EEF1AKMT1: variants seen among roughly 807,000 people sequenced by gnomAD.
EEF1AKMT1 encodes N-6 adenine-specific DNA methyltransferase 2 (putative).
A neutral mutation model predicts 21.0 loss-of-function variants in EEF1AKMT1; 18 were observed. That is an observed-to-expected ratio of 0.86 (90% confidence interval 0.59 to 1.27). EEF1AKMT1 has a LOEUF of 1.27. EEF1AKMT1 is among the 50% of genes most tolerant of loss of function. The probability of loss-of-function intolerance (pLI) is 0.00; values close to 1 mark genes in which losing one functional copy is unlikely to be tolerated. For synonymous variants in EEF1AKMT1, 109 were observed against 94.8 expected, an observed-to-expected ratio of 1.15 and a Z score of -0.87; for missense variants, 246 against 258.6, an observed-to-expected ratio of 0.95 and a Z score of 0.33.
chr13:20,728,988 AGGG>A lies in EEF1AKMT1; in HGVS notation c.*89_*91del. ...CCAGGGACAGCTCCAGTTTGGGGGG[AGGG>A]GAAGAGATTATAACTTTTAAATCTA... On this transcript the variant is annotated 3_prime_UTR_variant, in exon 5 of 5. Transcript: ENST00000382758. 6.7e-7 allele frequency: 1 copy of A among 1,488,356 alleles called. No homozygotes were observed. Among genetic ancestry groups the A allele is most frequent in the South Asian group, 1.2e-5 (1 of 83,482 alleles). 92.2% of individuals were successfully genotyped at this position (1,488,356 alleles called of 1,614,324 possible).
intron 2 of EEF1AKMT1, among the ~76,000 whole-genome samples, chr13:20,740,524 G>T (rs1302509004): frequency 6.6e-6 from 1 of 152,244 alleles, no homozygotes; most frequent in Admixed American, 6.5e-5. Context: ...CCACTGACTT[G>T]CCGGGTGTGG....
intron 2 of EEF1AKMT1, among the ~76,000 whole-genome samples, chr13:20,755,453 T>C (rs945559655): frequency 5.3e-4 from 80 of 152,198 alleles, no homozygotes; most frequent in Admixed American, 5.2e-3. Context: ...GGCTCTTCTG[T>C]GGCTAGAACT....
At chr13:20,756,637 G>A (rs4770070) in intron 2 of EEF1AKMT1, among the ~76,000 whole-genome samples, 35,882 of 152,054 alleles carry the variant, frequency 0.24, 5,772 homozygotes, top group East Asian at 0.75. Flanking sequence ...GTAAAACCCC[G>A]CCTCCAAGAT....
intron 1 of EEF1AKMT1, among the ~76,000 whole-genome samples, chr13:20,759,581 A>T (rs2058988960): frequency 6.6e-6 from 1 of 150,956 alleles, no homozygotes; most frequent in Non-Finnish European, 1.5e-5. Context: ...CTCCGTCTCA[A>T]AAACAAAAAA....
intron 1 of EEF1AKMT1, 145 bp from the exon 2 acceptor site, chr13:20,757,762 C>A (rs2058979179): frequency 3.0e-6 from 2 of 673,876 alleles, no homozygotes; most frequent in African/African-American, 3.6e-5. Context: ...TTCTAAGCCC[C>A]CCAGCCAACT....
chr13:20,769,903 T>C (rs1285547614), intron 1 of EEF1AKMT1, among the ~76,000 whole-genome samples: 1 of 151,488 alleles, frequency 6.6e-6, no homozygotes, highest in African/African-American at 2.4e-5. Flanking sequence ...TAAAGAAAGG[T>C]GTAGAGAAAG....
chr13:20,761,641 CATG>C (rs2141435021), intron 1 of EEF1AKMT1, among the ~76,000 whole-genome samples: 1 of 151,414 alleles, frequency 6.6e-6, no homozygotes, highest in South Asian at 2.1e-4. Context: ...AAATTTATTT[CATG>C]ATGATACATT....
intron 2 of EEF1AKMT1, among the ~76,000 whole-genome samples, chr13:20,738,697 A>C (rs1008638236): frequency 4.6e-5 from 7 of 152,236 alleles, no homozygotes; most frequent in African/African-American, 1.4e-4. Flanking sequence ...TGAGTCTTGG[A>C]AACATTACAC....
chr13:20,768,345 C>A (rs555172390), intron 1 of EEF1AKMT1, among the ~76,000 whole-genome samples: 22 of 152,282 alleles, frequency 1.4e-4, no homozygotes, highest in Non-Finnish European at 3.1e-4. Flanking sequence ...ACTGATTACA[C>A]CCCACTACGG....
At chr13:20,744,832 T>C (rs574138272) in intron 2 of EEF1AKMT1, among the ~76,000 whole-genome samples, 1 of 152,220 alleles carries the variant, frequency 6.6e-6, no homozygotes, top group East Asian at 1.9e-4. Context: ...TACATTTAAG[T>C]CTTTAATTCA....
intron 2 of EEF1AKMT1, among the ~76,000 whole-genome samples, chr13:20,752,792 G>C (rs139843225): frequency 3.3e-5 from 5 of 151,894 alleles, no homozygotes; most frequent in African/African-American, 1.2e-4. Context: ...CAGTTGTAAT[G>C]TCCCCTTTAT....
At chr13:20,765,383 T>G (rs191262970) in intron 1 of EEF1AKMT1, among the ~76,000 whole-genome samples, 150 of 151,708 alleles carry the variant, frequency 9.9e-4, no homozygotes, top group African/African-American at 3.4e-3. Context: ...TTTCATTATT[T>G]GCTTTCTGTT....
intron 2 of EEF1AKMT1, among the ~76,000 whole-genome samples, chr13:20,752,601 A>AT (rs1243341054): frequency 3.3e-5 from 5 of 151,822 alleles, no homozygotes; most frequent in Non-Finnish European, 5.9e-5. Flanking sequence ...CTGGCCTGTA[A>AT]TTTTCTTTAT....
intron 2 of EEF1AKMT1, among the ~76,000 whole-genome samples, chr13:20,752,312 G>T (rs2058946007): frequency 6.6e-6 from 1 of 152,070 alleles, no homozygotes. Flanking sequence ...TTATGATGAG[G>T]TATGTTCCTT....
intron 3 of EEF1AKMT1, among the ~76,000 whole-genome samples, chr13:20,732,748 C>T (rs754778992): frequency 6.6e-6 from 1 of 152,142 alleles, no homozygotes; most frequent in African/African-American, 2.4e-5. Context: ...CTAAATTTAC[C>T]TATTATTTTC....
In EEF1AKMT1 at chr13:20,731,871, G is replaced by A. The variant is rs2058798335; in HGVS notation, c.478C>T (p.Leu160=). The A allele has an allele frequency of 2.5e-6, 4 of 1,613,950 alleles. No individual in the cohort carries two copies. Among genetic ancestry groups the A allele is most frequent in the Admixed American group, 1.7e-5 (1 of 59,994 alleles). ...CACAGCAGAATCTTGCCCCGCGTCAGGTACTTGACGGTTTCCGATGTTTTT... is the reference window on the plus strand; with the variant it reads ...CACAGCAGAATCTTGCCCCGCGTCAAGTACTTGACGGTTTCCGATGTTTTT... ...LRKTSETVKY[L]TRGKILLCTG... The change falls in exon 4 of 5, where the codon CTG becomes TTG. Residue 160 remains leucine, a synonymous_variant. Coordinates refer to ENST00000382758, the MANE Select transcript of EEF1AKMT1 (RefSeq NM_001318939.2).
At chr13:20,739,042 C>G (rs928484449) in intron 2 of EEF1AKMT1, among the ~76,000 whole-genome samples, 2 of 152,092 alleles carry the variant, frequency 1.3e-5, no homozygotes, top group African/African-American at 4.8e-5. Flanking sequence ...CAGACGTATT[C>G]AAAGTTTCTT....
intron 2 of EEF1AKMT1, 114 bp downstream of exon 2, chr13:20,757,341 A>G: frequency 7.8e-7 from 1 of 1,278,008 alleles, no homozygotes; most frequent in Non-Finnish European, 1.1e-6. Flanking sequence ...TTCAGATCCC[A>G]AATGACAGGT....
At chr13:20,757,742 A>T in intron 1 of EEF1AKMT1, 125 bp from the exon 2 acceptor site, 1 of 758,916 alleles carries the variant, frequency 1.3e-6, no homozygotes, top group South Asian at 2.3e-5. Flanking sequence ...CAAGTAAACC[A>T]AAAATAAAAT....
Sources: allele counts gnomAD v4.1 joint callset (sites outside exome capture counted in the v4.1 genomes callset), GRCh38; gene constraint gnomAD v4.1.1; transcripts MANE v1.5; gene names NCBI Gene and HGNC (gene_info 2026-07-23, HGNC 2026-07-21).